The following MANBA variants were observed in gnomAD, a reference collection of about 807,000 sequenced individuals.
MANBA encodes beta-mannosidase.
MANBA carries 83 observed loss-of-function variants against 111.1 expected under a neutral mutation model. That is an observed-to-expected ratio of 0.75 (90% CI 0.63 to 0.90). The LOEUF (loss-of-function observed/expected upper bound fraction) is 0.90. Ranked by LOEUF, MANBA falls within the 40% of genes least tolerant of loss-of-function variation. The probability of loss-of-function intolerance (pLI) is 0.00; values close to 1 mark genes in which losing one functional copy is unlikely to be tolerated. For synonymous variants in MANBA, 370 were observed against 378.7 expected (o/e 0.98, Z 0.27); for missense variants, 1,036 against 1,069.0 (o/e 0.97, Z 0.43).
intron 1 of MANBA, among the ~76,000 whole-genome samples, chr4:102,731,707 T>A (rs1042771771): frequency 6.6e-6 from 1 of 152,100 alleles, no homozygotes; most frequent in Non-Finnish European, 1.5e-5. Context: ...CAGAGTTGAG[T>A]AGACATGATG....
chr4:102,756,797 T>TAAAAAAAAAAAAAAAAA (rs35787338), intron 1 of MANBA, among the ~76,000 whole-genome samples: 1 of 72,006 alleles, frequency 1.4e-5, no homozygotes, highest in African/African-American at 5.5e-5. Context: ...AGAGACTATC[T>TAAAAAAAAAAAAAAAAA]AAAAAAAAAA....
chr4:102,671,612 T>G (rs1268605785), intron 8 of MANBA, among the ~76,000 whole-genome samples: 2 of 152,244 alleles, frequency 1.3e-5, no homozygotes, highest in South Asian at 4.1e-4. Flanking sequence ...TATCTTTACC[T>G]ATTAAATTTT....
intron 7 of MANBA, among the ~76,000 whole-genome samples, chr4:102,683,425 G>T (rs944620253): frequency 8.5e-5 from 13 of 152,264 alleles, no homozygotes; most frequent in South Asian, 2.1e-4. Flanking sequence ...TAGAATACTT[G>T]AGAAATTCTT....
chr4:102,714,672 G>C (rs1288771637), intron 4 of MANBA, 111 bp from the exon 5 acceptor site: 119 of 1,058,030 alleles, frequency 1.1e-4, no homozygotes, highest in Non-Finnish European at 1.4e-6. Context: ...GTTTGCTATG[G>C]CAGCCATAAC....
chr4:102,647,412 A>G (rs1338849042), intron 13 of MANBA, among the ~76,000 whole-genome samples: 1 of 151,404 alleles, frequency 6.6e-6, no homozygotes, highest in Non-Finnish European at 1.5e-5. Flanking sequence ...GTTCCTAACT[A>G]TGGACCTTGA....
Position 102,632,015 on chromosome 4 carries a change from G to T in MANBA, c.*42C>A. ...CCTCTCCAGTCGGTGCTTTAGAAAT[G>T]CTTTATTCCCATTGTCCACTGAAAA... On this transcript the variant is annotated 3_prime_UTR_variant, in exon 17 of 17. Coordinates refer to ENST00000647097, the MANE Select transcript of MANBA (RefSeq NM_005908.4). The T allele has an allele frequency of 6.7e-7, 1 of 1,487,424 alleles. No individual in the cohort carries two copies. Among genetic ancestry groups the T allele is most frequent in the South Asian group, 1.1e-5 (1 of 88,488 alleles). The allele number at this position is 1,487,424 out of a possible 1,614,324, so 92.1% of individuals were successfully genotyped here.
At chr4:102,752,375 C>CTTTAGTTTGGTCTTTAG in intron 1 of MANBA, 2 of 1,272,520 alleles carry the variant, frequency 1.6e-6, no homozygotes, top group Non-Finnish European at 2.3e-6. Flanking sequence ...AAAGACCATT[C>CTTTAGTTTGGTCTTTAG]TTTGGTGTCA....
At chr4:102,724,095 T>G in intron 2 of MANBA, 128 bp from the exon 3 acceptor site, 1 of 652,522 alleles carries the variant, frequency 1.5e-6, no homozygotes. Context: ...AAAGGCAGTT[T>G]CCAGTGACAT....
At position 102,760,851 on chromosome 4, in the gene MANBA, C is replaced by T. The variant is rs1467022491; in HGVS notation, c.44G>A (p.Gly15Asp). The T allele has an allele frequency of 1.3e-6, 2 of 1,571,390 alleles. No individual in the cohort carries two copies. The highest frequency in any genetic ancestry group is 1.2e-5 in the South Asian group (1 of 85,802). Reference protein sequence around the residue: ...LLLLLALCGAGTTAAELSYSL... With the variant: ...LLLLLALCGADTTAAELSYSL... ...GTAACTGAGCTCCGCGGCGGTGGTG[C>T]CTGCACCGCACAGCGCGAGCAGCAG... Residue 15 changes from glycine to aspartate, a missense_variant, in exon 1 of 17, where the codon GGC (glycine) becomes GAC (aspartate). By Grantham distance (94) the Gly-to-Asp change is moderately conservative (BLOSUM62 -1). Coordinates refer to ENST00000647097, the MANE Select transcript of MANBA (RefSeq NM_005908.4).
chr4:102,703,092 A>G (rs1449463671), intron 5 of MANBA, among the ~76,000 whole-genome samples: 1 of 152,198 alleles, frequency 6.6e-6, no homozygotes, highest in Non-Finnish European at 1.5e-5. Flanking sequence ...TAACACTACT[A>G]CAGAGATAGC....
intron 1 of MANBA, among the ~76,000 whole-genome samples, chr4:102,747,045 GA>G (rs1342264359): frequency 1.3e-5 from 2 of 151,144 alleles, no homozygotes; most frequent in African/African-American, 4.9e-5. Flanking sequence ...GCCAACTCCA[GA>G]AACCCCAAAA....
In MANBA at chr4:102,697,626, C is replaced by T. The variant is rs1220629921; in HGVS notation, c.674-6855G>A. On this transcript the variant is annotated intron_variant, in intron 5 of 16. Transcript: ENST00000647097. Reference sequence around the variant, plus strand: ...TGCGGTGTTTGGTTTTTTGTTCTTGCGATAGTTTACTGAGAATGATGATTT... The same window carrying T: ...TGCGGTGTTTGGTTTTTTGTTCTTGTGATAGTTTACTGAGAATGATGATTT... Among the ~76,000 whole-genome samples the T allele has an allele frequency of 8.2e-5, 12 of 147,172 alleles. No homozygotes were observed. The East Asian group carries it at 8.2e-4, about 10-fold the overall frequency.
chr4:102,684,470 G>A (rs1732118683), intron 7 of MANBA, among the ~76,000 whole-genome samples: 1 of 152,164 alleles, frequency 6.6e-6, no homozygotes, highest in Non-Finnish European at 1.5e-5. Context: ...CATGCCGTTG[G>A]GGGCATATGT....
intron 5 of MANBA, among the ~76,000 whole-genome samples, chr4:102,700,918 A>G (rs1277927393): frequency 1.3e-5 from 2 of 151,838 alleles, no homozygotes; most frequent in Non-Finnish European, 2.9e-5. Context: ...TATCCTTGTT[A>G]ACTTTCTGTC....
chr4:102,684,133 G>A (rs117797211), intron 7 of MANBA, among the ~76,000 whole-genome samples: 1,795 of 151,778 alleles, frequency 0.012, 58 homozygotes, highest in South Asian at 0.11. Flanking sequence ...TCCTAAACAC[G>A]TTTCTAAGCT....
intron 1 of MANBA, chr4:102,752,312 G>C: frequency 7.3e-7 from 1 of 1,370,988 alleles, no homozygotes; most frequent in South Asian, 1.2e-5. Context: ...CTTTGTAAAC[G>C]TTTAGCATCT....
chr4:102,728,761 G>C (rs763782359), intron 1 of MANBA: 1 of 893,558 alleles, frequency 1.1e-6, no homozygotes, highest in South Asian at 1.5e-5. Flanking sequence ...TGGGCAGGAC[G>C]TCAGAGGACT....
chr4:102,752,929 C>A (rs1337235617), intron 1 of MANBA, among the ~76,000 whole-genome samples: 1 of 152,138 alleles, frequency 6.6e-6, no homozygotes, highest in East Asian at 1.9e-4. Context: ...TAAAATATAT[C>A]TTTCTCTGGC....
At chr4:102,707,382 A>G (rs996099522) in intron 5 of MANBA, among the ~76,000 whole-genome samples, 1 of 152,204 alleles carries the variant, frequency 6.6e-6, no homozygotes, top group African/African-American at 2.4e-5. Context: ...GACAAGCAAA[A>G]GCTGAGGGAA....
Sources: gnomAD v4.1 joint callset for allele counts (sites outside exome capture counted in the v4.1 genomes callset) on GRCh38, gnomAD v4.1.1 for gene constraint, MANE v1.5 for transcripts, NCBI Gene and HGNC (gene_info 2026-07-23, HGNC 2026-07-21) for gene names.